SLC15A5: variants seen among roughly 807,000 people sequenced by gnomAD.
SLC15A5 encodes Peptide/histidine transporter ENSP00000340402.
A neutral mutation model predicts 56.1 loss-of-function variants in SLC15A5; 58 were observed. The ratio of observed to expected loss-of-function variants is 1.03; its 90% CI spans 0.84 to 1.29. SLC15A5 has a LOEUF of 1.29. SLC15A5 is among the 50% of genes most tolerant of loss of function. The pLI, the probability that SLC15A5 is intolerant of heterozygous loss-of-function variation, is 0.00. For synonymous variants in SLC15A5, 264 were observed against 250.5 expected, an observed-to-expected ratio of 1.05 and a Z score of -0.51; for missense variants, 681 against 672.1, an observed-to-expected ratio of 1.01 and a Z score of -0.15.
chr12:16,260,625 A>G lies in SLC15A5; in HGVS notation c.585-2755T>C, dbSNP rs569623745. Among the ~76,000 whole-genome samples, 19 of 151,984 alleles carry G rather than the reference A, an allele frequency of 1.3e-4. No individual in the cohort carries two copies. In the South Asian group the frequency reaches 2.7e-3, roughly 22 times the overall value. On this transcript the variant is annotated intron_variant, in intron 2 of 8. Transcript: ENST00000344941. Reference sequence around the variant, plus strand: ...TGGGGTTTTCCTTTTCATTTTCTCAATGATATCTTTTGATAAGAAAAAGTT... The same window carrying G: ...TGGGGTTTTCCTTTTCATTTTCTCAGTGATATCTTTTGATAAGAAAAAGTT...
At chr12:16,247,220 A>G (rs1864470662) in intron 3 of SLC15A5, among the ~76,000 whole-genome samples, 2 of 152,194 alleles carry the variant, frequency 1.3e-5, no homozygotes, top group Non-Finnish European at 2.9e-5. Context: ...GTTTAAACAA[A>G]TAAAATTGTA....
chr12:16,210,869 G>A lies in SLC15A5; in HGVS notation c.1483+6024C>T, dbSNP rs148942583. On this transcript the variant is annotated intron_variant, in intron 7 of 8. Coordinates refer to ENST00000344941, the MANE Select transcript of SLC15A5 (RefSeq NM_001170798.1). Reference sequence around the variant, plus strand: ...CCTCTGTGCAGCATCAGGGGTTTCTGTGGAGTAAAAGGTTAATGATATAGA... The same window carrying A: ...CCTCTGTGCAGCATCAGGGGTTTCTATGGAGTAAAAGGTTAATGATATAGA... 1.4e-3 allele frequency among the ~76,000 whole-genome samples: 220 copies of A among 152,298 alleles called. 6 individuals are homozygous for A. In the East Asian group the frequency reaches 0.027, roughly 19 times the overall value.
intron 7 of SLC15A5, among the ~76,000 whole-genome samples, chr12:16,199,411 C>A (rs904542274): frequency 7.3e-5 from 11 of 150,536 alleles, no homozygotes; most frequent in Admixed American, 5.3e-4. Context: ...ATGATCAGAA[C>A]AGACCCTCAC....
At chr12:16,275,411 G>GATTTC (rs1327530622) in intron 1 of SLC15A5, among the ~76,000 whole-genome samples, 2 of 151,966 alleles carry the variant, frequency 1.3e-5, no homozygotes, top group African/African-American at 4.8e-5. Context: ...AATAAGTTTG[G>GATTTC]ATTTCATTTT....
chr12:16,250,150 G>A (rs1324143785), intron 3 of SLC15A5, among the ~76,000 whole-genome samples: 1 of 152,000 alleles, frequency 6.6e-6, no homozygotes, highest in African/African-American at 2.4e-5. Context: ...GTGACATCTT[G>A]AGCAAGTCAT....
In SLC15A5 at chr12:16,235,689, T is replaced by G. The variant is rs1375863522; in HGVS notation, c.1162+3992A>C. On this transcript the variant is annotated intron_variant, in intron 5 of 8. Coordinates refer to ENST00000344941, the MANE Select transcript of SLC15A5 (RefSeq NM_001170798.1). This position sits in a 1 kb window ranked among gnomAD's most constrained non-coding sequence, Gnocchi z 4.1. ...TACGCAGTTCCTCCTATCAAGTATT[T>G]TACAATGGGTACATACCATGATGTT... is the stretch of plus-strand genomic sequence containing the variant. Among the ~76,000 whole-genome samples, 1 of 152,164 alleles carries G rather than the reference T, an allele frequency of 6.6e-6. No individual in the cohort carries two copies. Among genetic ancestry groups the G allele is most frequent in the Non-Finnish European group, 1.5e-5 (1 of 67,996 alleles).
intron 7 of SLC15A5, among the ~76,000 whole-genome samples, chr12:16,203,345 G>A (rs1022499997): frequency 6.6e-5 from 10 of 151,992 alleles, no homozygotes; most frequent in Non-Finnish European, 1.0e-4. Context: ...CTTTTCTCTG[G>A]ATCTTTCCAG....
chr12:16,196,699 T>C lies in SLC15A5; in HGVS notation c.1484-2246A>G, dbSNP rs534095544. Among the ~76,000 whole-genome samples the C allele has an allele frequency of 8.5e-5, 13 of 152,222 alleles. No individual in the cohort carries two copies. The East Asian group carries it at 2.3e-3, about 27-fold the overall frequency. ...GGAGTTTGCACAGAGTATGTGAAGC[T>C]TCAGAATTAACATGACATTAATTCT... On this transcript the variant is annotated intron_variant, in intron 7 of 8. Transcript: ENST00000344941. The surrounding 1 kb of genome is among the most constrained non-coding windows in gnomAD (Gnocchi z 4.0).
intron 7 of SLC15A5, among the ~76,000 whole-genome samples, chr12:16,209,374 C>T (rs1244003790): frequency 6.6e-6 from 1 of 152,116 alleles, no homozygotes; most frequent in African/African-American, 2.4e-5. Flanking sequence ...CATCCAACCT[C>T]TAATGTTGGG....
At chr12:16,266,234 G>A (rs958460645) in intron 2 of SLC15A5, among the ~76,000 whole-genome samples, 1 of 152,188 alleles carries the variant, frequency 6.6e-6, no homozygotes, top group African/African-American at 2.4e-5. Context: ...TGTGGCTGTA[G>A]CAACACAGAG....
rs1333367325 is a variant in SLC15A5, at chr12:16,235,618, A to C, written c.1162+4063T>G. On this transcript the variant is annotated intron_variant, in intron 5 of 8. Transcript: ENST00000344941. This position sits in a 1 kb window ranked among gnomAD's most constrained non-coding sequence, Gnocchi z 4.1. ...AAATGTGCAACCGAATGAATGACTT[A>C]TTCAGGCTAGATGTTTACAATTCAT... 6.6e-6 allele frequency among the ~76,000 whole-genome samples: 1 copy of C among 152,140 alleles called. No individual in the cohort carries two copies. Among genetic ancestry groups the C allele is most frequent in the Non-Finnish European group, 1.5e-5 (1 of 67,976 alleles).
Position 16,277,320 on chromosome 12 carries a change from C to T in SLC15A5, c.361+5G>A, listed in dbSNP as rs1479361658. ...AAAACAATCCAGTCAGCAGAGGACA[C>T]TCACCTAGAAAATGTAGAAACAAGC... is the stretch of plus-strand genomic sequence containing the variant. On this transcript the variant is annotated splice_donor_5th_base_variant and intron_variant, in intron 1 of 8. Coordinates refer to ENST00000344941, the MANE Select transcript of SLC15A5 (RefSeq NM_001170798.1). The T allele has an allele frequency of 6.6e-7, 1 of 1,511,754 alleles. No homozygotes were observed. Among genetic ancestry groups the T allele is most frequent in the Non-Finnish European group, 8.8e-7 (1 of 1,133,542 alleles). 93.6% of individuals were successfully genotyped at this position (1,511,754 alleles called of 1,614,324 possible).
intron 7 of SLC15A5, among the ~76,000 whole-genome samples, chr12:16,214,975 C>T (rs76368806): frequency 5.3e-5 from 8 of 151,754 alleles, no homozygotes; most frequent in Non-Finnish European, 7.4e-5. Flanking sequence ...GAGGCCGAGG[C>T]GGGCGGATCA....
intron 5 of SLC15A5, among the ~76,000 whole-genome samples, chr12:16,234,202 G>A (rs1864325838): frequency 6.6e-6 from 1 of 152,042 alleles, no homozygotes; most frequent in Admixed American, 6.5e-5. Context: ...CCTTTTATAA[G>A]AGCACCTAAT....
At chr12:16,218,498 C>T (rs1316202268) in intron 6 of SLC15A5, among the ~76,000 whole-genome samples, 1 of 152,110 alleles carries the variant, frequency 6.6e-6, no homozygotes, top group Non-Finnish European at 1.5e-5. Flanking sequence ...TATACGTATA[C>T]AAACCTATAT....
intron 7 of SLC15A5, among the ~76,000 whole-genome samples, chr12:16,198,165 C>G (rs1236354980): frequency 1.3e-5 from 2 of 152,126 alleles, no homozygotes; most frequent in African/African-American, 4.8e-5. Context: ...GTAAAGGACT[C>G]AAAATATTTA....
At chr12:16,247,516 C>G (rs1864473873) in intron 3 of SLC15A5, among the ~76,000 whole-genome samples, 1 of 152,050 alleles carries the variant, frequency 6.6e-6, no homozygotes, top group African/African-American at 2.4e-5. Flanking sequence ...TAGGCAAGTT[C>G]TATGATGAAA....
At chr12:16,212,957 G>A (rs1001444326) in intron 7 of SLC15A5, among the ~76,000 whole-genome samples, 4 of 152,160 alleles carry the variant, frequency 2.6e-5, no homozygotes, top group African/African-American at 7.2e-5. Flanking sequence ...ATTAAAAAAA[G>A]TTTCAAATTT....
At chr12:16,193,084 C>A (rs867834886) in intron 8 of SLC15A5, among the ~76,000 whole-genome samples, 2 of 152,008 alleles carry the variant, frequency 1.3e-5, no homozygotes, top group Admixed American at 6.6e-5. Flanking sequence ...GCTGGGTGAG[C>A]ACCACTTATG....
Sources: allele counts gnomAD v4.1 joint callset (sites outside exome capture counted in the v4.1 genomes callset), GRCh38; gene constraint gnomAD v4.1.1; non-coding constraint Gnocchi (gnomAD v3.1); transcripts MANE v1.5; gene names NCBI Gene and HGNC (gene_info 2026-07-23, HGNC 2026-07-21).